Variants in MMD2 observed in about 807,000 individuals in gnomAD.
The protein encoded by MMD2 is monocyte to macrophage differentiation factor 2.
MMD2 carries 30 observed loss-of-function variants against 33.5 expected under a neutral mutation model. The ratio of observed to expected loss-of-function variants is 0.90; its 90% CI spans 0.67 to 1.22. The LOEUF (loss-of-function observed/expected upper bound fraction) is 1.22. MMD2 is among the 50% of genes most tolerant of loss of function. The pLI, the probability that MMD2 is intolerant of heterozygous loss-of-function variation, is 0.00. For synonymous variants in MMD2, 129 were observed against 123.0 expected (o/e 1.05, Z -0.32); for missense variants, 364 against 325.4 (o/e 1.12, Z -0.91).
At chr7:4,922,564 A>G (rs1785315450) in intron 2 of MMD2, among the ~76,000 whole-genome samples, 1 of 152,134 alleles carries the variant, frequency 6.6e-6, no homozygotes, top group Admixed American at 6.6e-5. Flanking sequence ...GTTTTGTGCT[A>G]TTTTAAAATA....
intron 5 of MMD2, among the ~76,000 whole-genome samples, chr7:4,910,691 C>A (rs1042780529): frequency 2.4e-4 from 37 of 152,042 alleles, no homozygotes; most frequent in African/African-American, 8.9e-4. Context: ...CGCAGTGGCA[C>A]GCTCTCAGCT....
rs138085190 is a variant in MMD2 at position 4,942,730 on chromosome 7, C to T, written c.47+16241G>A. On this transcript the variant is annotated intron_variant, in intron 1 of 6. Coordinates refer to ENST00000401401, the MANE Select transcript of MMD2 (RefSeq NM_198403.4). The stretch of plus-strand genomic sequence containing the variant: ...CGGGTTCAAGCGATTCTCCTGCCTC[C>T]GCCTCCCAAGTAGCTGGGACTACAG... Among the ~76,000 whole-genome samples, 722 of 150,990 alleles carry T rather than the reference C, an allele frequency of 4.8e-3. 4 individuals are homozygous for T. Among genetic ancestry groups the T allele is most frequent in the African/African-American group, 0.017 (700 of 41,168 alleles).
chr7:4,935,674 T>C (rs1476742073), intron 1 of MMD2, among the ~76,000 whole-genome samples: 2 of 101,172 alleles, frequency 2.0e-5, no homozygotes, highest in Admixed American at 1.1e-4. Flanking sequence ...CAAGACCCTG[T>C]CTCAAAAAAA....
chr7:4,921,776 C>T lies in MMD2; in HGVS notation c.130-1445G>A, dbSNP rs564304968. Among the ~76,000 whole-genome samples, 192 of 152,176 alleles carry T rather than the reference C, an allele frequency of 1.3e-3. 1 individual carries two copies. Among genetic ancestry groups the T allele is most frequent in the Non-Finnish European group, 9.4e-4 (64 of 68,000 alleles). On this transcript the variant is annotated intron_variant, in intron 2 of 6. Coordinates refer to ENST00000401401, the MANE Select transcript of MMD2 (RefSeq NM_198403.4). Reference sequence around the variant, plus strand: ...TAGCCTCCCCGACACCCAGGCTGGGCGCCGGATGGGGACAGGTCAACAGCA... The same window carrying T: ...TAGCCTCCCCGACACCCAGGCTGGGTGCCGGATGGGGACAGGTCAACAGCA...
intron 1 of MMD2, among the ~76,000 whole-genome samples, chr7:4,938,491 G>C (rs953915239): frequency 6.6e-6 from 1 of 152,034 alleles, no homozygotes; most frequent in African/African-American, 2.4e-5. Flanking sequence ...AGCCACTAAT[G>C]CCTCACCCTC....
At chr7:4,904,379 G>A (rs1042273324), downstream of MMD2, among the ~76,000 whole-genome samples, 1 of 152,162 alleles carries the variant, frequency 6.6e-6, no homozygotes, top group Non-Finnish European at 1.5e-5. Flanking sequence ...TCTGGGCTTG[G>A]GTGAAATGGA....
intron 3 of MMD2, 86 bp downstream of exon 3, chr7:4,920,085 G>T: frequency 7.0e-7 from 1 of 1,426,560 alleles, no homozygotes; most frequent in Non-Finnish European, 9.5e-7. Context: ...AGGCAGACCG[G>T]ATATCCTGGT....
At position 4,906,529 on chromosome 7, in the gene MMD2, C is replaced by G; in HGVS notation, c.*867G>C. 2.5e-6 allele frequency: 1 copy of G among 398,658 alleles called. No homozygotes were observed. The highest frequency in any genetic ancestry group is 3.6e-5 in the East Asian group (1 of 28,072). 24.7% of individuals were successfully genotyped at this position (398,658 alleles called of 1,614,324 possible). A position where few individuals can be genotyped will look rare whatever the true frequency, so the allele number is the denominator to read the frequency against. The stretch of plus-strand genomic sequence containing the variant: ...TGAATGAATAGCTCTCGTAATGTCT[C>G]TGGATTTTTGGAGATGGGAAGAAAT... On this transcript the variant is annotated 3_prime_UTR_variant, in exon 7 of 7. Coordinates refer to ENST00000401401, the MANE Select transcript of MMD2 (RefSeq NM_198403.4).
chr7:4,893,408 T>TTTC, the MMD2 span, among the ~76,000 whole-genome samples: 1 of 97,060 alleles, frequency 1.0e-5, no homozygotes, highest in Non-Finnish European at 2.3e-5. Context: ...TTATTTATTT[T>TTTC]TGAGACAGAG....
the MMD2 span, among the ~76,000 whole-genome samples, chr7:4,894,279 G>T: frequency 6.6e-6 from 1 of 152,086 alleles, no homozygotes; most frequent in Non-Finnish European, 1.5e-5. The surrounding 1 kb of genome is among the most constrained non-coding windows in gnomAD (Gnocchi z 4.3). Flanking sequence ...AGGCCACATG[G>T]GGAAGTCCAG....
rs79325018 is a variant in MMD2, at chr7:4,907,854, G to A, written c.538-255C>T. Among the ~76,000 whole-genome samples, 745 of 152,160 alleles carry A rather than the reference G, an allele frequency of 4.9e-3. 12 individuals carry two copies. Among genetic ancestry groups the A allele is most frequent in the African/African-American group, 0.017 (702 of 41,532 alleles). ...CAGGGTCTCGGTCTGTTGCCCCAGC[G>A]GGAGTGCAGTGGCACAAGCGTAGCT... On this transcript the variant is annotated intron_variant, in intron 6 of 6. Coordinates refer to ENST00000401401, the MANE Select transcript of MMD2 (RefSeq NM_198403.4).
At position 4,933,623 on chromosome 7, in the gene MMD2, C is replaced by T. The variant is rs185656494; in HGVS notation, c.48-8091G>A. Among the ~76,000 whole-genome samples the T allele has an allele frequency of 7.9e-4, 120 of 151,068 alleles. 2 individuals carry two copies. The highest frequency in any genetic ancestry group is 2.8e-3 in the African/African-American group (114 of 40,606). On this transcript the variant is annotated intron_variant, in intron 1 of 6. Transcript: ENST00000401401. ...TACCAGAGTTTGTTCATTCATTCTC[C>T]AGTTGAGGGATAATAAATGCATTTT...
At position 4,916,007 on chromosome 7, in the gene MMD2, G is replaced by C; in HGVS notation, c.363C>G (p.Pro121=). ...CTGGGCGGCGGGACGGTACTCACCA[G>C]GGTGCGTAGGAAGCCGCTATGAAGA... ...IYFFIAASYA[P]WLNLRELGPW... Residue 121 remains proline, a splice_region_variant and synonymous_variant, in exon 4 of 7, where the codon CCC becomes CCG. Transcript: ENST00000401401. The C allele has an allele frequency of 6.2e-7, 1 of 1,613,398 alleles. No homozygotes were observed. Among genetic ancestry groups the C allele is most frequent in the Non-Finnish European group, 8.5e-7 (1 of 1,179,408 alleles).
chr7:4,896,890 C>T, the MMD2 span, among the ~76,000 whole-genome samples: 1 of 151,690 alleles, frequency 6.6e-6, no homozygotes, highest in African/African-American at 2.4e-5. Context: ...GACAGAGTCT[C>T]GCTCTGTAGC....
the MMD2 span, among the ~76,000 whole-genome samples, chr7:4,897,830 C>T: frequency 1.1e-4 from 16 of 151,112 alleles, 1 homozygote; most frequent in African/African-American, 3.4e-4. Context: ...CTCTGCCTCC[C>T]GGGTTCAAGA....
In MMD2 at chr7:4,920,306, C is replaced by T. The variant is rs759061765; in HGVS notation, c.155G>A (p.Gly52Asp). 5.0e-6 allele frequency: 8 copies of T among 1,609,100 alleles called. No homozygotes were observed. Among genetic ancestry groups the T allele is most frequent in the Non-Finnish European group, 5.9e-6 (7 of 1,178,128 alleles). ...HAFWIIPSIL[G>D]SSNLYFLSDD... The stretch of plus-strand genomic sequence containing the variant: ...CGACAGGAAGTAGAGGTTGGAGCTG[C>T]CCAGGATGCTGGGGATGATCCAGAA... The change falls in exon 3 of 7, where the codon GGC becomes GAC. Residue 52 changes from glycine to aspartate, a missense_variant. Coordinates refer to ENST00000401401, the MANE Select transcript of MMD2 (RefSeq NM_198403.4).
downstream of MMD2, among the ~76,000 whole-genome samples, chr7:4,905,768 T>G (rs951209306): frequency 1.3e-5 from 2 of 152,270 alleles, no homozygotes; most frequent in East Asian, 1.9e-4. This position sits in a 1 kb window ranked among gnomAD's most constrained non-coding sequence, Gnocchi z 5.0. Context: ...GTTTCCCCAC[T>G]GACCTCCAGC....
downstream of MMD2, among the ~76,000 whole-genome samples, chr7:4,903,589 CTCTG>C (rs1354638361): frequency 6.6e-6 from 1 of 152,242 alleles, no homozygotes; most frequent in Non-Finnish European, 1.5e-5. Flanking sequence ...CCTAGCCAAG[CTCTG>C]TCTGGGCCTT....
chr7:4,958,608 GC>G (rs901907202), intron 1 of MMD2, among the ~76,000 whole-genome samples: 21 of 152,318 alleles, frequency 1.4e-4, no homozygotes, highest in African/African-American at 4.8e-4. Flanking sequence ...CCCGAGCGTA[GC>G]TGGCCTGGGC....
Sources: allele counts gnomAD v4.1 joint callset (sites outside exome capture counted in the v4.1 genomes callset), GRCh38; gene constraint gnomAD v4.1.1; non-coding constraint Gnocchi (gnomAD v3.1); transcripts MANE v1.5; gene names NCBI Gene and HGNC (gene_info 2026-07-23, HGNC 2026-07-21).